The following DPT variants were observed in gnomAD, a reference collection of about 807,000 sequenced individuals.
DPT encodes the protein dermatopontin.
Under a neutral mutation model 31.2 loss-of-function variants are expected in DPT, and 21 were observed. The ratio of observed to expected loss-of-function variants is 0.67; its 90% CI spans 0.48 to 0.97. The LOEUF (loss-of-function observed/expected upper bound fraction) is 0.97. DPT is among the 50% of genes least tolerant of loss of function. The pLI, the probability that DPT is intolerant of heterozygous loss-of-function variation, is 0.00. For missense variants in DPT, 262 were observed against 258.8 expected (o/e 1.01, Z -0.08); for synonymous variants, 91 against 86.9 (o/e 1.05, Z -0.26).
At chr1:168,719,771 C>T (rs1650061690) in intron 1 of DPT, among the ~76,000 whole-genome samples, 2 of 147,056 alleles carry the variant, frequency 1.4e-5, no homozygotes, top group South Asian at 2.2e-4. Context: ...TTACAAGACT[C>T]TCCTTCCCAT....
intron 1 of DPT, among the ~76,000 whole-genome samples, chr1:168,726,135 C>A (rs577550067): frequency 6.6e-6 from 1 of 151,976 alleles, no homozygotes; most frequent in Non-Finnish European, 1.5e-5. Flanking sequence ...GATTAGTAGA[C>A]GGGGAGAAGG....
intron 2 of DPT, among the ~76,000 whole-genome samples, chr1:168,702,829 C>G (rs527358931): frequency 1.3e-5 from 2 of 152,156 alleles, no homozygotes; most frequent in African/African-American, 4.8e-5. Context: ...CCAGGCTGGT[C>G]TGGAACTCCT....
chr1:168,721,785 C>T (rs775673414), intron 1 of DPT, among the ~76,000 whole-genome samples: 1 of 152,318 alleles, frequency 6.6e-6, no homozygotes, highest in Middle Eastern at 3.4e-3. Flanking sequence ...GTTTACTGCT[C>T]ATCCTCCTGC....
Position 168,728,747 on chromosome 1 carries a change from G to C in DPT, c.305+123C>G, listed in dbSNP as rs371372213. On this transcript the variant is annotated intron_variant, in intron 1 of 3. Transcript: ENST00000367817. ...CTCCACCCAGAGCATGCAGTGGTGAGGTTTGGGGTGGGATTTGCCCAGGCT... is the reference window on the plus strand; with the variant it reads ...CTCCACCCAGAGCATGCAGTGGTGACGTTTGGGGTGGGATTTGCCCAGGCT... The C allele has an allele frequency of 7.9e-5, 97 of 1,220,388 alleles. 2 individuals are homozygous for C. In the African/African-American group the frequency reaches 1.3e-3, roughly 17 times the overall value. 75.6% of individuals were successfully genotyped at this position (1,220,388 alleles called of 1,614,324 possible). A position where few individuals can be genotyped will look rare whatever the true frequency, so the allele number is the denominator to read the frequency against.
chr1:168,716,886 A>G (rs1436583413), intron 1 of DPT, among the ~76,000 whole-genome samples: 1 of 152,180 alleles, frequency 6.6e-6, no homozygotes, highest in Non-Finnish European at 1.5e-5. Flanking sequence ...ACATGATCTC[A>G]TTCATTTTTA....
chr1:168,695,476 G>C lies in DPT; in HGVS notation c.*1073C>G, dbSNP rs1036165387. ...CCTGAATATTTTCAGCATAGTGAAC[G>C]TTAATATTTTTATTTCTTTTGTAAT... On this transcript the variant is annotated 3_prime_UTR_variant, in exon 4 of 4. Coordinates refer to ENST00000367817, the MANE Select transcript of DPT (RefSeq NM_001937.5). 6.6e-6 allele frequency: 1 copy of C among 152,104 alleles called. No individual in the cohort carries two copies. The allele number at this position is 152,104 out of a possible 1,614,324, so 9.4% of individuals were successfully genotyped here. A position where few individuals can be genotyped will look rare whatever the true frequency, so the allele number is the denominator to read the frequency against.
chr1:168,717,421 A>G (rs1230827033), intron 1 of DPT, among the ~76,000 whole-genome samples: 3 of 151,988 alleles, frequency 2.0e-5, no homozygotes, highest in Non-Finnish European at 4.4e-5. Flanking sequence ...TTTCTTGTAA[A>G]TTTGTTTAAT....
intron 1 of DPT, among the ~76,000 whole-genome samples, chr1:168,716,223 C>CATTT (rs552879749): frequency 5.9e-4 from 90 of 152,058 alleles, no homozygotes; most frequent in Middle Eastern, 3.4e-3. Context: ...TTCAAATATG[C>CATTT]ATTTATTTAT....
intron 2 of DPT, among the ~76,000 whole-genome samples, chr1:168,710,580 A>G (rs867717141): frequency 8.5e-5 from 13 of 152,144 alleles, no homozygotes; most frequent in South Asian, 2.1e-4. Flanking sequence ...TTATCTATCA[A>G]TCTTTAACAT....
intron 1 of DPT, among the ~76,000 whole-genome samples, chr1:168,716,604 G>A (rs1649992095): frequency 6.6e-6 from 1 of 152,056 alleles, no homozygotes; most frequent in African/African-American, 2.4e-5. Flanking sequence ...TTATTACATA[G>A]GTATATGTGT....
intron 2 of DPT, among the ~76,000 whole-genome samples, chr1:168,704,565 A>C (rs611769): frequency 0.22 from 32,913 of 151,412 alleles, 4,191 homozygotes; most frequent in East Asian, 0.5. Flanking sequence ...ACAACAACAA[A>C]AAAAGCAAAA....
intron 1 of DPT, among the ~76,000 whole-genome samples, chr1:168,714,829 G>A (rs535694391): frequency 1.4e-4 from 22 of 152,346 alleles, no homozygotes; most frequent in South Asian, 6.2e-4. Context: ...GCACAAGGAT[G>A]ATCATTCGTT....
intron 3 of DPT, among the ~76,000 whole-genome samples, chr1:168,698,943 A>G (rs1022487384): frequency 6.6e-6 from 1 of 152,212 alleles, no homozygotes. Context: ...GCAAAGTTGC[A>G]TGAGTATATT....
At chr1:168,725,087 T>C (rs1049901252) in intron 1 of DPT, among the ~76,000 whole-genome samples, 1 of 152,192 alleles carries the variant, frequency 6.6e-6, no homozygotes, top group African/African-American at 2.4e-5. Flanking sequence ...TAGGCATTTG[T>C]TTTAGACTTC....
At chr1:168,718,411 T>TG (rs1650033375) in intron 1 of DPT, among the ~76,000 whole-genome samples, 1 of 152,230 alleles carries the variant, frequency 6.6e-6, no homozygotes, top group Non-Finnish European at 1.5e-5. Context: ...GTGAAGATTA[T>TG]TTGGACCCTA....
intron 2 of DPT, among the ~76,000 whole-genome samples, chr1:168,702,696 C>G (rs1319051171): frequency 6.7e-6 from 1 of 148,636 alleles, no homozygotes; most frequent in Non-Finnish European, 1.5e-5. Flanking sequence ...ACTGCAACTT[C>G]CGCCTCCTGG....
At chr1:168,700,347 A>G (rs933043843) in intron 3 of DPT, among the ~76,000 whole-genome samples, 1 of 152,140 alleles carries the variant, frequency 6.6e-6, no homozygotes, top group Non-Finnish European at 1.5e-5. Flanking sequence ...TTGATCTTGG[A>G]CTTTCCAGCT....
chr1:168,696,036 C>T lies in DPT; in HGVS notation c.*513G>A. 2.5e-6 allele frequency: 1 copy of T among 395,904 alleles called. No individual in the cohort carries two copies. Among genetic ancestry groups the T allele is most frequent in the Non-Finnish European group, 4.4e-6 (1 of 224,898 alleles). 24.5% of individuals were successfully genotyped at this position (395,904 alleles called of 1,614,324 possible). On this transcript the variant is annotated 3_prime_UTR_variant, in exon 4 of 4. Coordinates refer to ENST00000367817, the MANE Select transcript of DPT (RefSeq NM_001937.5). ...AGAGCTCTGCACTTGGATTGCTAAG[C>T]ATGCATGGCTCATGTGGAGCAGGGG...
intron 1 of DPT, among the ~76,000 whole-genome samples, chr1:168,727,659 T>C (rs1650281123): frequency 6.6e-6 from 1 of 151,148 alleles, no homozygotes; most frequent in Non-Finnish European, 1.5e-5. Flanking sequence ...TACCTTAGCC[T>C]CCTGAGTAGC....
Sources: allele counts gnomAD v4.1 joint callset (sites outside exome capture counted in the v4.1 genomes callset), GRCh38; gene constraint gnomAD v4.1.1; transcripts MANE v1.5; gene names NCBI Gene and HGNC (gene_info 2026-07-23, HGNC 2026-07-21).